Variants in TGFA observed in about 807,000 individuals in gnomAD.
The protein encoded by TGFA is protransforming growth factor alpha.
In TGFA, 12 loss-of-function variants were observed where a neutral mutation model predicts 21.7. The observed-to-expected ratio is 0.55, with a 90% CI of 0.35 to 0.90. The LOEUF (loss-of-function observed/expected upper bound fraction) is 0.90. Ranked by LOEUF, TGFA falls within the 40% of genes least tolerant of loss-of-function variation. The pLI, the probability that TGFA is intolerant of heterozygous loss-of-function variation, is 0.01. For synonymous variants in TGFA, 79 were observed against 88.1 expected, an observed-to-expected ratio of 0.90 and a Z score of 0.58; for missense variants, 178 against 210.8, an observed-to-expected ratio of 0.84 and a Z score of 0.96.
At chr2:70,486,740 G>T (rs1382757804) in intron 2 of TGFA, among the ~76,000 whole-genome samples, 1 of 151,910 alleles carries the variant, frequency 6.6e-6, no homozygotes, top group East Asian at 1.9e-4. Flanking sequence ...GGAATTATAG[G>T]CGTGAGCTAC....
chr2:70,452,958 A>C (rs1448807693), intron 5 of TGFA, among the ~76,000 whole-genome samples: 3 of 152,100 alleles, frequency 2.0e-5, no homozygotes, highest in African/African-American at 7.2e-5. Context: ...ACAAAACAAA[A>C]CAACAAAACA....
intron 2 of TGFA, among the ~76,000 whole-genome samples, chr2:70,504,479 T>TATATATAC (rs1553499809): frequency 1.1e-5 from 1 of 87,266 alleles, no homozygotes; most frequent in African/African-American, 5.4e-5. Context: ...CATACATACA[T>TATATATAC]ACATACACAC....
chr2:70,539,846 C>A (rs1299440752), intron 1 of TGFA, among the ~76,000 whole-genome samples: 1 of 152,170 alleles, frequency 6.6e-6, no homozygotes, highest in Non-Finnish European at 1.5e-5. Context: ...CACTTAAGTT[C>A]CTTTTTCATT....
At chr2:70,472,289 G>A (rs549400085) in intron 2 of TGFA, among the ~76,000 whole-genome samples, 3 of 152,314 alleles carry the variant, frequency 2.0e-5, no homozygotes, top group South Asian at 4.1e-4. Flanking sequence ...TGGGGCTGAC[G>A]ATAGGAAAAG....
chr2:70,548,073 C>A (rs1349822291), intron 1 of TGFA, among the ~76,000 whole-genome samples: 1 of 151,876 alleles, frequency 6.6e-6, no homozygotes, highest in African/African-American at 2.4e-5. Context: ...TTTTTTAAAA[C>A]AATAAAATGC....
rs1338285748 is a variant in TGFA, at chr2:70,553,138, A to G, written c.40+590T>C. The G allele has an allele frequency of 5.2e-6, 8 of 1,525,802 alleles. No homozygotes were observed. In the African/African-American group the frequency reaches 8.3e-5, roughly 16 times the overall value. 94.5% of individuals were successfully genotyped at this position (1,525,802 alleles called of 1,614,324 possible). ...ACACCGAAACCACTTCTCCCAGGGA[A>G]GTTAATTAAAGGAACCATTAATCCG... On this transcript the variant is annotated intron_variant, in intron 1 of 5. Transcript: ENST00000295400.
At chr2:70,489,927 C>T (rs921193273) in intron 2 of TGFA, among the ~76,000 whole-genome samples, 3 of 152,026 alleles carry the variant, frequency 2.0e-5, no homozygotes, top group East Asian at 3.8e-4. Flanking sequence ...TCTGGTTTAC[C>T]GCCTTTCAAT....
At chr2:70,513,368 C>T (rs1394686639) in intron 2 of TGFA, among the ~76,000 whole-genome samples, 2 of 152,082 alleles carry the variant, frequency 1.3e-5, no homozygotes, top group African/African-American at 4.8e-5. Flanking sequence ...CTTTTTCCTC[C>T]CTATATGTTC....
chr2:70,497,163 G>A (rs181353873), intron 2 of TGFA, among the ~76,000 whole-genome samples: 88 of 152,300 alleles, frequency 5.8e-4, no homozygotes, highest in Non-Finnish European at 2.2e-4. Context: ...GAAGAAAGAC[G>A]TATGAGCTAC....
chr2:70,505,421 G>T (rs1553499999), intron 2 of TGFA, among the ~76,000 whole-genome samples: 1 of 152,138 alleles, frequency 6.6e-6, no homozygotes, highest in Non-Finnish European at 1.5e-5. Context: ...CAGGATATCA[G>T]ATATAGAGGC....
At chr2:70,509,601 A>G (rs1038110881) in intron 2 of TGFA, among the ~76,000 whole-genome samples, 1 of 152,186 alleles carries the variant, frequency 6.6e-6, no homozygotes, top group Non-Finnish European at 1.5e-5. Flanking sequence ...ACATGCCTTG[A>G]TTCCAGGTGG....
chr2:70,543,331 C>A (rs1673191587), intron 1 of TGFA, among the ~76,000 whole-genome samples: 1 of 151,660 alleles, frequency 6.6e-6, no homozygotes, highest in African/African-American at 2.4e-5. Context: ...AGTTTGAGAC[C>A]AGCCTGGCCA....
At chr2:70,452,471 A>C (rs1296838507) in intron 5 of TGFA, among the ~76,000 whole-genome samples, 1 of 150,298 alleles carries the variant, frequency 6.7e-6, no homozygotes, top group East Asian at 2.0e-4. Context: ...AAGGGTTTTA[A>C]GGTCATTAGA....
At chr2:70,539,635 A>G (rs1411203260) in intron 1 of TGFA, among the ~76,000 whole-genome samples, 1 of 152,038 alleles carries the variant, frequency 6.6e-6, no homozygotes, top group African/African-American at 2.4e-5. Flanking sequence ...TTATATTTTT[A>G]GTAGAGTTGG....
In TGFA at chr2:70,521,614, TTTG is replaced by T. The variant is rs1354463025; in HGVS notation, c.41-6705_41-6703del. Among the ~76,000 whole-genome samples, 78 of 77,280 alleles carry T rather than the reference TTTG, an allele frequency of 1.0e-3. 2 individuals carry two copies. Among genetic ancestry groups the T allele is most frequent in the South Asian group, 2.4e-3 (5 of 2,096 alleles). 50.7% of individuals were successfully genotyped at this position (77,280 alleles called of 152,430 possible). A position where few individuals can be genotyped will look rare whatever the true frequency, so the allele number is the denominator to read the frequency against. ...TGATAGTTTTTTTTGTTGTTGTTTG[TTTG>T]TTTTTTTTTTTTTTTTTTTTTGAGT... On this transcript the variant is annotated intron_variant, in intron 1 of 5. Transcript: ENST00000295400.
intron 1 of TGFA, among the ~76,000 whole-genome samples, chr2:70,534,612 A>G (rs1553504151): frequency 6.6e-6 from 1 of 152,252 alleles, no homozygotes; most frequent in Non-Finnish European, 1.5e-5. Context: ...TCATAATAAA[A>G]TATGTCAAAT....
At chr2:70,473,931 A>T (rs1670849483) in intron 2 of TGFA, among the ~76,000 whole-genome samples, 1 of 152,074 alleles carries the variant, frequency 6.6e-6, no homozygotes, top group Non-Finnish European at 1.5e-5. Context: ...GGGCAGGGCC[A>T]TTTTTGTCTC....
At chr2:70,493,343 G>A (rs372339864) in intron 2 of TGFA, among the ~76,000 whole-genome samples, 73 of 152,280 alleles carry the variant, frequency 4.8e-4, no homozygotes, top group Non-Finnish European at 7.1e-4. Flanking sequence ...TGGCCTTGAC[G>A]TGACACTATA....
At chr2:70,514,336 G>A (rs1466907211) in intron 2 of TGFA, among the ~76,000 whole-genome samples, 1 of 151,612 alleles carries the variant, frequency 6.6e-6, no homozygotes, top group Non-Finnish European at 1.5e-5. Context: ...GCAGTGCTGT[G>A]GCCACTGATG....
Sources: gnomAD v4.1 joint callset for allele counts (sites outside exome capture counted in the v4.1 genomes callset) on GRCh38, gnomAD v4.1.1 for gene constraint, MANE v1.5 for transcripts, NCBI Gene and HGNC (gene_info 2026-07-23, HGNC 2026-07-21) for gene names.